Variants in XIRP2 observed in about 807,000 individuals in gnomAD.
XIRP2 encodes xin actin binding repeat containing 2.
A neutral mutation model predicts 277.0 loss-of-function variants in XIRP2; 236 were observed. That is an observed-to-expected ratio of 0.85 (90% CI 0.77 to 0.95). The LOEUF (loss-of-function observed/expected upper bound fraction) is 0.95, where lower values mean the gene tolerates loss of function less well. Ranked by LOEUF, XIRP2 falls within the 40% of genes least tolerant of loss-of-function variation. The pLI, the probability that XIRP2 is intolerant of heterozygous loss-of-function variation, is 0.00. For synonymous variants in XIRP2, 1,490 were observed against 1,416.5 expected, an observed-to-expected ratio of 1.05 and a Z score of -1.17; for missense variants, 4,640 against 4,157.5, an observed-to-expected ratio of 1.12 and a Z score of -3.19.
At chr2:167,139,095 C>T (rs181415644) in intron 3 of XIRP2, among the ~76,000 whole-genome samples, 69 of 148,302 alleles carry the variant, frequency 4.7e-4, no homozygotes, top group Admixed American at 1.8e-3. Flanking sequence ...CATATATATA[C>T]GTACGTATAT....
chr2:167,026,553 T>C (rs1007761302), intron 2 of XIRP2, among the ~76,000 whole-genome samples: 8 of 152,190 alleles, frequency 5.3e-5, no homozygotes, highest in East Asian at 1.9e-4. Flanking sequence ...CTAGCCTAGA[T>C]GGTCTTTACA....
In XIRP2 at chr2:167,248,976, A is replaced by G; in HGVS notation, c.7584A>G (p.Ser2528=). The change falls in exon 9 of 11, where the codon TCA becomes TCG. Residue 2528 remains serine (S), a synonymous_variant. Transcript: ENST00000409195. The stretch of plus-strand genomic sequence containing the variant: ...AATCTCATTCATTTCCAGAGAGTTC[A>G]GGACAACAAAATCCAAAACCTTATA... ...LIKSHSFPES[S]GQQNPKPYMR... The G allele has an allele frequency of 5.6e-6, 9 of 1,613,660 alleles. No homozygotes were observed. Among genetic ancestry groups the G allele is most frequent in the Non-Finnish European group, 7.6e-6 (9 of 1,179,784 alleles).
intron 2 of XIRP2, among the ~76,000 whole-genome samples, chr2:167,032,486 A>T (rs1040129959): frequency 6.6e-6 from 1 of 152,214 alleles, no homozygotes. Flanking sequence ...GCACAGCAAA[A>T]GAACCTATCA....
intron 2 of XIRP2, among the ~76,000 whole-genome samples, chr2:167,021,919 T>C (rs1687994754): frequency 6.6e-6 from 1 of 152,154 alleles, no homozygotes; most frequent in South Asian, 2.1e-4. Flanking sequence ...ACTATCTTCA[T>C]TGTATTCAGA....
At chr2:167,099,858 T>C (rs1029083657) in intron 2 of XIRP2, among the ~76,000 whole-genome samples, 2 of 152,084 alleles carry the variant, frequency 1.3e-5, no homozygotes, top group African/African-American at 4.8e-5. Flanking sequence ...CCAGTCCCAA[T>C]GAAATGAACC....
In XIRP2 at chr2:167,006,596, T is replaced by C. The variant is rs550249164; in HGVS notation, c.408+102706T>C. 2.0e-5 allele frequency among the ~76,000 whole-genome samples: 3 copies of C among 151,886 alleles called. No homozygotes were observed. In the East Asian group the frequency reaches 5.8e-4, roughly 29 times the overall value. The stretch of plus-strand genomic sequence containing the variant: ...GCTGCCTGATGGGCAAGACAGTTCC[T>C]TCTGAGGCAGGAAATGGCACCAGAT... On this transcript the variant is annotated intron_variant, in intron 2 of 10. Coordinates refer to ENST00000409195, the MANE Select transcript of XIRP2 (RefSeq NM_152381.6).
At chr2:166,983,877 G>A (rs994728935) in intron 2 of XIRP2, among the ~76,000 whole-genome samples, 5 of 152,142 alleles carry the variant, frequency 3.3e-5, no homozygotes, top group Non-Finnish European at 4.4e-5. Context: ...ACAGTCTGGT[G>A]CTAATTATGC....
At chr2:167,089,278 A>T (rs10211405) in intron 2 of XIRP2, among the ~76,000 whole-genome samples, 130,105 of 152,116 alleles carry the variant, frequency 0.86, 55,865 homozygotes, top group Admixed American at 0.89. Flanking sequence ...ATTATTAGAG[A>T]TTTTTTCCGT....
intron 2 of XIRP2, among the ~76,000 whole-genome samples, chr2:166,935,019 C>T (rs533996399): frequency 1.3e-4 from 19 of 146,232 alleles, no homozygotes; most frequent in African/African-American, 3.7e-4. Context: ...CGACAGAGGG[C>T]GACTCCTTCT....
Position 167,089,625 on chromosome 2 carries a change from T to TG in XIRP2, c.409-46277dup, listed in dbSNP as rs547549041. On this transcript the variant is annotated intron_variant, in intron 2 of 10. Coordinates refer to ENST00000409195, the MANE Select transcript of XIRP2 (RefSeq NM_152381.6). Reference sequence around the variant, plus strand: ...TGTGTATTACTTAAGTAAATGTGTGTGGGGGGGTGTATTAAGTAAATGTGC... The same window carrying TG: ...TGTGTATTACTTAAGTAAATGTGTGTGGGGGGGGTGTATTAAGTAAATGTGC... Among the ~76,000 whole-genome samples, 394 of 152,164 alleles carry TG rather than the reference T, an allele frequency of 2.6e-3. 3 individuals carry two copies. Among genetic ancestry groups the TG allele is most frequent in the Non-Finnish European group, 4.7e-3 (322 of 68,014 alleles).
At chr2:167,004,433 G>A (rs568861611) in intron 2 of XIRP2, among the ~76,000 whole-genome samples, 34 of 151,934 alleles carry the variant, frequency 2.2e-4, no homozygotes, top group African/African-American at 7.9e-4. Context: ...AGTTTAATGT[G>A]TAAATGCAAC....
At position 167,247,848 on chromosome 2, in the gene XIRP2, AT is replaced by A; in HGVS notation, c.6458del (p.Leu2153Ter). 1 of 1,613,578 alleles carries A rather than the reference AT, an allele frequency of 6.2e-7. No individual in the cohort carries two copies. The highest frequency in any genetic ancestry group is 8.5e-7 in the Non-Finnish European group (1 of 1,179,718). ...CTAAAAAGACCAAAAATATTAAAAT[AT>A]TAACTGATACACAAAGCTCCAAGCC... is the stretch of plus-strand genomic sequence containing the variant. ...SPKKTKNIKI[L>X]TDTQSSKPSP... On this transcript the variant is annotated frameshift_variant, in exon 9 of 11. Transcript: ENST00000409195. LOFTEE classifies it high-confidence loss of function.
At position 167,244,006 on chromosome 2, in the gene XIRP2, G is replaced by A; in HGVS notation, c.2614G>A (p.Val872Ile). Residue 872 changes from valine (V) to isoleucine (I), a missense_variant, in exon 9 of 11, where the codon GTA (valine) becomes ATA (isoleucine). Transcript: ENST00000409195. ...ACGTGAGGAGATAATAGGTGGTGATGTACAAACTACTAAGCATCTATTTGA... is the reference window on the plus strand; with the variant it reads ...ACGTGAGGAGATAATAGGTGGTGATATACAAACTACTAAGCATCTATTTGA... ...LQREEIIGGD[V>I]QTTKHLFETL... The A allele has an allele frequency of 6.2e-7, 1 of 1,613,992 alleles. No homozygotes were observed.
At chr2:167,020,847 C>CT (rs1558950231) in intron 2 of XIRP2, among the ~76,000 whole-genome samples, 1 of 151,964 alleles carries the variant, frequency 6.6e-6, no homozygotes, top group Non-Finnish European at 1.5e-5. Context: ...AAAGGAGTAA[C>CT]TTTTTTATTA....
intron 5 of XIRP2, among the ~76,000 whole-genome samples, chr2:167,239,387 A>C (rs995855185): frequency 5.3e-5 from 8 of 152,242 alleles, no homozygotes; most frequent in African/African-American, 1.7e-4. Flanking sequence ...GCTGCTAATT[A>C]GATGATTTTA....
chr2:167,000,588 TTTG>T (rs1687339781), intron 2 of XIRP2, among the ~76,000 whole-genome samples: 1 of 152,006 alleles, frequency 6.6e-6, no homozygotes, highest in Non-Finnish European at 1.5e-5. Context: ...ACATGTTTCT[TTTG>T]TTATGTTTGT....
At chr2:167,038,100 A>G (rs1053703487) in intron 2 of XIRP2, among the ~76,000 whole-genome samples, 8 of 152,020 alleles carry the variant, frequency 5.3e-5, no homozygotes, top group African/African-American at 1.9e-4. Flanking sequence ...TATTGAATAA[A>G]TCTAAAATAA....
chr2:167,132,991 A>G (rs996366456), intron 2 of XIRP2, among the ~76,000 whole-genome samples: 6 of 152,216 alleles, frequency 3.9e-5, no homozygotes, highest in African/African-American at 1.4e-4. Flanking sequence ...TTATACCACC[A>G]GTAGTTGGTT....
rs781304664 is a variant in XIRP2, at chr2:167,244,387, C to G, written c.2995C>G (p.His999Asp). The G allele has an allele frequency of 6.2e-7, 1 of 1,613,462 alleles. No individual in the cohort carries two copies. The highest frequency in any genetic ancestry group is 1.1e-5 in the South Asian group (1 of 90,920). ...YAIQDPLGKYHQVKTVQQEEI... is the reference protein window; with the variant it reads ...YAIQDPLGKYDQVKTVQQEEI... ...CATTCAAGATCCCCTTGGAAAATAT[C>G]ATCAAGTAAAGACAGTCCAGCAAGA... The change falls in exon 9 of 11, where the codon CAT becomes GAT. Residue 999 changes from histidine to aspartate, a missense_variant. His to Asp is a moderately conservative substitution (Grantham distance 81). Coordinates refer to ENST00000409195, the MANE Select transcript of XIRP2 (RefSeq NM_152381.6).
Sources: allele counts gnomAD v4.1 joint callset (sites outside exome capture counted in the v4.1 genomes callset), GRCh38; gene constraint gnomAD v4.1.1; transcripts MANE v1.5; gene names NCBI Gene and HGNC (gene_info 2026-07-23, HGNC 2026-07-21).